Variants in ATRNL1 observed in about 807,000 individuals in gnomAD.
ATRNL1 encodes the protein attractin like 1.
A neutral mutation model predicts 182.7 loss-of-function variants in ATRNL1; 95 were observed. That is an observed-to-expected ratio of 0.52 (90% CI 0.44 to 0.62). The LOEUF is 0.62. Among genes scored for constraint, ATRNL1 ranks in the 20% least tolerant of loss-of-function variants. The probability of loss-of-function intolerance (pLI) is 0.00; values close to 1 mark genes in which losing one functional copy is unlikely to be tolerated. For missense variants in ATRNL1, 1,471 were observed against 1,679.5 expected (o/e 0.88, Z 2.17); for synonymous variants, 576 against 568.3 (o/e 1.01, Z -0.19).
At chr10:115,921,947 G>C (rs1953076762) in intron 28 of ATRNL1, among the ~76,000 whole-genome samples, 1 of 152,280 alleles carries the variant, frequency 6.6e-6, no homozygotes, top group East Asian at 1.9e-4. Flanking sequence ...GACTGAAAAT[G>C]TTTCTTAAAC....
At chr10:115,360,812 T>C (rs1482830001) in intron 19 of ATRNL1, among the ~76,000 whole-genome samples, 4 of 151,988 alleles carry the variant, frequency 2.6e-5, no homozygotes, top group African/African-American at 9.7e-5. Context: ...TTTTGTTTAA[T>C]GTCATTTGAC....
At chr10:115,648,201 A>C (rs1018710532) in intron 26 of ATRNL1, among the ~76,000 whole-genome samples, 1 of 152,202 alleles carries the variant, frequency 6.6e-6, no homozygotes, top group Non-Finnish European at 1.5e-5. Flanking sequence ...ACTCCCGTTC[A>C]CAATTGCTTC....
intron 24 of ATRNL1, among the ~76,000 whole-genome samples, chr10:115,511,965 T>C (rs1192689613): frequency 1.3e-5 from 2 of 151,822 alleles, no homozygotes; most frequent in Non-Finnish European, 2.9e-5. Context: ...ATTTTGATTA[T>C]TGTTTGAATA....
chr10:115,609,045 C>G (rs545400020), intron 26 of ATRNL1, among the ~76,000 whole-genome samples: 212 of 151,976 alleles, frequency 1.4e-3, no homozygotes, highest in African/African-American at 4.7e-3. Context: ...TAATAAATAT[C>G]TTTAAATAAA....
At chr10:115,831,029 G>A (rs2134311161) in intron 27 of ATRNL1, among the ~76,000 whole-genome samples, 1 of 152,076 alleles carries the variant, frequency 6.6e-6, no homozygotes, top group South Asian at 2.1e-4. Context: ...TCCCTTTCCT[G>A]TCCCACATTC....
At chr10:115,696,088 C>T (rs1370212644) in intron 26 of ATRNL1, among the ~76,000 whole-genome samples, 5 of 151,964 alleles carry the variant, frequency 3.3e-5, no homozygotes, top group Non-Finnish European at 7.4e-5. Context: ...TTAGTAGAGA[C>T]GGGGTTTCAC....
At chr10:115,699,539 G>A (rs1426973359) in intron 26 of ATRNL1, among the ~76,000 whole-genome samples, 1 of 152,010 alleles carries the variant, frequency 6.6e-6, no homozygotes. Context: ...ATTATTGGGA[G>A]TAAAATGAAT....
intron 7 of ATRNL1, 112 bp downstream of exon 7, chr10:115,165,757 T>C: frequency 2.1e-6 from 1 of 478,178 alleles, no homozygotes; most frequent in Non-Finnish European, 3.6e-6. Context: ...GAACAATAGA[T>C]TATATGGATC....
chr10:115,385,880 G>C (rs1554952485), intron 19 of ATRNL1, among the ~76,000 whole-genome samples: 1 of 152,114 alleles, frequency 6.6e-6, no homozygotes, highest in African/African-American at 2.4e-5. Context: ...AATATGTGTA[G>C]GATTGTTTCT....
chr10:115,099,650 A>T (rs2085111346), intron 1 of ATRNL1, among the ~76,000 whole-genome samples: 1 of 152,150 alleles, frequency 6.6e-6, no homozygotes, highest in Non-Finnish European at 1.5e-5. Context: ...TGAATGGTAT[A>T]TTATTGGGTT....
intron 19 of ATRNL1, among the ~76,000 whole-genome samples, chr10:115,386,592 G>A (rs1858362125): frequency 6.6e-6 from 1 of 152,036 alleles, no homozygotes; most frequent in Admixed American, 6.5e-5. Flanking sequence ...AACTGACATT[G>A]TGGACTTCTC....
At chr10:115,820,819 AGAT>A (rs1295175624) in intron 27 of ATRNL1, among the ~76,000 whole-genome samples, 3 of 152,216 alleles carry the variant, frequency 2.0e-5, no homozygotes, top group African/African-American at 7.2e-5. Context: ...TATAATGGGT[AGAT>A]GATATGGTTT....
chr10:115,864,694 G>A (rs1015828211), intron 28 of ATRNL1, among the ~76,000 whole-genome samples: 1 of 152,136 alleles, frequency 6.6e-6, no homozygotes, highest in African/African-American at 2.4e-5. Flanking sequence ...GTAATCACAA[G>A]AAAAGAGGCC....
At chr10:115,100,184 T>C (rs985413316) in intron 1 of ATRNL1, among the ~76,000 whole-genome samples, 3 of 152,052 alleles carry the variant, frequency 2.0e-5, no homozygotes, top group African/African-American at 7.2e-5. Context: ...GCCCATCTAC[T>C]TGGAAGGCTG....
intron 5 of ATRNL1, among the ~76,000 whole-genome samples, chr10:115,144,482 CG>C (rs1845891071): frequency 1.3e-5 from 2 of 151,830 alleles, no homozygotes; most frequent in South Asian, 4.2e-4. Context: ...TTACTAGAGA[CG>C]GGGTTTCACT....
chr10:115,495,248 G>A (rs956368422), intron 24 of ATRNL1, among the ~76,000 whole-genome samples: 1 of 151,866 alleles, frequency 6.6e-6, no homozygotes, highest in Non-Finnish European at 1.5e-5. Context: ...TGGTCTATGA[G>A]TCTTATTTAT....
intron 27 of ATRNL1, among the ~76,000 whole-genome samples, chr10:115,834,801 T>G (rs917096592): frequency 6.6e-6 from 1 of 152,182 alleles, no homozygotes; most frequent in African/African-American, 2.4e-5. Flanking sequence ...TGTATTTTCT[T>G]GCCTTAGTGT....
intron 28 of ATRNL1, among the ~76,000 whole-genome samples, chr10:115,886,949 T>G (rs1951958837): frequency 6.6e-6 from 1 of 152,244 alleles, no homozygotes; most frequent in Non-Finnish European, 1.5e-5. Context: ...CAAGTTACTT[T>G]TCTCCCTTTA....
chr10:115,808,603 A>G (rs74503961), intron 27 of ATRNL1, among the ~76,000 whole-genome samples: 6,994 of 152,214 alleles, frequency 0.046, 466 homozygotes, highest in African/African-American at 0.15. Context: ...AGAAACTGCC[A>G]AACTGTTCTC....
Sources: allele counts gnomAD v4.1 joint callset (sites outside exome capture counted in the v4.1 genomes callset), GRCh38; gene constraint gnomAD v4.1.1; transcripts MANE v1.5; gene names NCBI Gene and HGNC (gene_info 2026-07-23, HGNC 2026-07-21).